Variants in CACNA1C observed in about 807,000 individuals in gnomAD.
CACNA1C encodes calcium voltage-gated channel subunit alpha1 C.
Under a neutral mutation model 229.0 loss-of-function variants are expected in CACNA1C, and 30 were observed. The observed-to-expected ratio is 0.13, with a 90% confidence interval of 0.10 to 0.18. The LOEUF (loss-of-function observed/expected upper bound fraction) is 0.18, where lower values mean the gene tolerates loss of function less well. Ranked by LOEUF, CACNA1C falls within the 10% of genes least tolerant of loss-of-function variation. CACNA1C has a pLI of 1.00. For missense variants in CACNA1C, 1,658 were observed against 2,845.0 expected (o/e 0.58, Z 9.49); for synonymous variants, 1,114 against 1,132.5 (o/e 0.98, Z 0.33).
At position 2,593,033 on chromosome 12, in the gene CACNA1C, C is replaced by T. The variant is rs557425695; in HGVS notation, c.2531-180C>T. On this transcript the variant is annotated intron_variant, in intron 18 of 46. Transcript: ENST00000399655. ...CCCCCTTATTGTGCACTGCCAGATA[C>T]GACTTCTCCAGCAGAGATGAGCTGC... 5.8e-4 allele frequency among the ~76,000 whole-genome samples: 89 copies of T among 152,260 alleles called. 1 individual carries two copies. Among genetic ancestry groups the T allele is most frequent in the Non-Finnish European group, 7.5e-4 (51 of 68,022 alleles).
chr12:2,371,821 C>T (rs547479198), intron 3 of CACNA1C, among the ~76,000 whole-genome samples: 50 of 150,050 alleles, frequency 3.3e-4, no homozygotes, highest in Non-Finnish European at 5.9e-4. Flanking sequence ...CTTTCCAGAT[C>T]CACATTTCTA....
chr12:2,125,972 C>G (rs2089855132), intron 3 of CACNA1C, among the ~76,000 whole-genome samples: 1 of 152,268 alleles, frequency 6.6e-6, no homozygotes, highest in African/African-American at 2.4e-5. Flanking sequence ...CTTGCAAATT[C>G]ACATCTGTGC....
chr12:2,083,090 G>A (rs1400236875), intron 1 of CACNA1C, among the ~76,000 whole-genome samples: 1 of 152,154 alleles, frequency 6.6e-6, no homozygotes, highest in African/African-American at 2.4e-5. Context: ...GAAGGAACAG[G>A]GAGCTCTGAT....
intron 30 of CACNA1C, among the ~76,000 whole-genome samples, chr12:2,648,020 C>T (rs2094525814): frequency 6.6e-6 from 1 of 152,008 alleles, no homozygotes; most frequent in Non-Finnish European, 1.5e-5. Context: ...TTCCTATAGT[C>T]CTAACTACTA....
intron 5 of CACNA1C, among the ~76,000 whole-genome samples, chr12:2,471,164 C>A (rs767206916): frequency 1.3e-5 from 2 of 152,046 alleles, no homozygotes; most frequent in African/African-American, 4.8e-5. Flanking sequence ...TTTATTGAAG[C>A]GTAATTTATA....
intron 29 of CACNA1C, among the ~76,000 whole-genome samples, chr12:2,621,241 C>T (rs2153503665): frequency 6.6e-6 from 1 of 152,104 alleles, no homozygotes; most frequent in East Asian, 1.9e-4. Context: ...GGGGTAAGGG[C>T]TGGGGTGGGG....
chr12:2,158,028 TAGG>T (rs1461050926), intron 3 of CACNA1C, among the ~76,000 whole-genome samples: 1 of 151,844 alleles, frequency 6.6e-6, no homozygotes, highest in African/African-American at 2.4e-5. Context: ...AGATGGAAAT[TAGG>T]AGTAAAAAAA....
intron 32 of CACNA1C, among the ~76,000 whole-genome samples, chr12:2,652,497 G>A (rs866581112): frequency 1.3e-5 from 2 of 152,228 alleles, no homozygotes; most frequent in Non-Finnish European, 2.9e-5. Context: ...CTGGGCTGGC[G>A]GAACGCAGGC....
At chr12:2,121,790 T>A (rs1322350325) in intron 3 of CACNA1C, among the ~76,000 whole-genome samples, 1 of 152,220 alleles carries the variant, frequency 6.6e-6, no homozygotes, top group East Asian at 1.9e-4. Context: ...TGTAGCCACC[T>A]CCTTCCTCTG....
chr12:2,434,715 G>A (rs1171296761), intron 3 of CACNA1C, among the ~76,000 whole-genome samples: 1 of 152,160 alleles, frequency 6.6e-6, no homozygotes, highest in Non-Finnish European at 1.5e-5. Flanking sequence ...TTTTCTGTGA[G>A]CCTTTCATTC....
At chr12:2,685,250 G>C (rs2097389755) in intron 43 of CACNA1C, among the ~76,000 whole-genome samples, 1 of 150,838 alleles carries the variant, frequency 6.6e-6, no homozygotes, top group South Asian at 2.1e-4. Context: ...CACCTACTGA[G>C]TGACCGTAGA....
chr12:2,622,643 G>T, intron 29 of CACNA1C, among the ~76,000 whole-genome samples: 1 of 152,164 alleles, frequency 6.6e-6, no homozygotes, highest in Non-Finnish European at 1.5e-5. Flanking sequence ...CTTCTCTTTG[G>T]CTAAGAGGTT....
rs567695938 is a variant in CACNA1C at position 2,279,739 on chromosome 12, C to T, written c.477+159309C>T. On this transcript the variant is annotated intron_variant, in intron 3 of 46. Transcript: ENST00000399655. Reference sequence around the variant, plus strand: ...TGGAAAATAAAAATAAAAAATATAACAAAAATAATGCAAATGAAAAATACA... The same window carrying T: ...TGGAAAATAAAAATAAAAAATATAATAAAAATAATGCAAATGAAAAATACA... 1.1e-4 allele frequency among the ~76,000 whole-genome samples: 17 copies of T among 152,248 alleles called. No individual in the cohort carries two copies. The South Asian group carries it at 3.3e-3, about 30-fold the overall frequency.
intron 18 of CACNA1C, among the ~76,000 whole-genome samples, chr12:2,592,703 A>ATTTTT (rs55789235): frequency 7.6e-6 from 1 of 131,604 alleles, no homozygotes. Context: ...CAGCACATGA[A>ATTTTT]TTTTTTTTTT....
At chr12:2,482,946 C>T (rs1405423191) in intron 5 of CACNA1C, among the ~76,000 whole-genome samples, 3 of 152,216 alleles carry the variant, frequency 2.0e-5, no homozygotes, top group Admixed American at 6.5e-5. Flanking sequence ...AAAACACCTT[C>T]AATTTCTTCT....
At chr12:2,030,323 G>A (rs953102069) in intron 1 of CACNA1C, among the ~76,000 whole-genome samples, 5 of 151,952 alleles carry the variant, frequency 3.3e-5, no homozygotes, top group Non-Finnish European at 1.5e-5. Flanking sequence ...ATCAATTACA[G>A]TCAATTTCTT....
intron 3 of CACNA1C, among the ~76,000 whole-genome samples, chr12:2,235,639 G>A (rs1413717339): frequency 6.6e-6 from 1 of 152,180 alleles, no homozygotes; most frequent in Non-Finnish European, 1.5e-5. Flanking sequence ...GGGATGGGAT[G>A]GGGTGCAGTG....
At chr12:2,058,676 G>C (rs986655766) in intron 1 of CACNA1C, among the ~76,000 whole-genome samples, 1 of 152,214 alleles carries the variant, frequency 6.6e-6, no homozygotes, top group Non-Finnish European at 1.5e-5. Flanking sequence ...CTGTTTACAT[G>C]TACCTCAAGG....
chr12:2,122,458 C>T (rs1006672053), intron 3 of CACNA1C, among the ~76,000 whole-genome samples: 3 of 152,130 alleles, frequency 2.0e-5, no homozygotes, highest in Admixed American at 1.3e-4. Context: ...TGAATAAATA[C>T]GACCTCATAT....
Sources: allele counts gnomAD v4.1 joint callset (sites outside exome capture counted in the v4.1 genomes callset), GRCh38; gene constraint gnomAD v4.1.1; transcripts MANE v1.5; gene names NCBI Gene and HGNC (gene_info 2026-07-23, HGNC 2026-07-21).